Variants in PDZRN4 observed in about 807,000 individuals in gnomAD.
The protein encoded by PDZRN4 is PDZ domain containing ring finger 4.
In PDZRN4, 70 loss-of-function variants were observed where a neutral mutation model predicts 99.0. That is an observed-to-expected ratio of 0.71 (90% confidence interval 0.58 to 0.86). PDZRN4 has a LOEUF of 0.86. Among genes scored for constraint, PDZRN4 ranks in the 40% least tolerant of loss-of-function variants. PDZRN4 has a pLI of 0.00. For missense variants in PDZRN4, 1,474 were observed against 1,331.2 expected (o/e 1.11, Z -1.67); for synonymous variants, 551 against 501.6 (o/e 1.10, Z -1.32).
chr12:41,288,159 G>GTA (rs1951432643), intron 3 of PDZRN4, among the ~76,000 whole-genome samples: 1 of 152,110 alleles, frequency 6.6e-6, no homozygotes, highest in Admixed American at 6.6e-5. Flanking sequence ...GAGTAATACA[G>GTA]AGCTCTTCAG....
intron 4 of PDZRN4, among the ~76,000 whole-genome samples, chr12:41,507,451 C>G (rs904986183): frequency 6.6e-6 from 1 of 152,094 alleles, no homozygotes; most frequent in African/African-American, 2.4e-5. Context: ...GAGCAATAGT[C>G]TCCTTAGCCT....
At chr12:41,369,062 A>C (rs911907648) in intron 3 of PDZRN4, among the ~76,000 whole-genome samples, 27 of 152,126 alleles carry the variant, frequency 1.8e-4, no homozygotes, top group African/African-American at 6.0e-4. Flanking sequence ...TGTTATGAAA[A>C]ACTTTTTCAT....
chr12:41,191,533 C>T lies in PDZRN4; in HGVS notation c.724C>T (p.Arg242Ter). Residue 242 changes from arginine (R) to a stop codon, truncating the protein, a stop_gained, in exon 2 of 10, where the codon CGA becomes TGA. Coordinates refer to ENST00000402685, the MANE Select transcript of PDZRN4 (RefSeq NM_001164595.2). LOFTEE classifies it high-confidence loss of function. Reference protein sequence around the residue: ...DTLGFNIIGGRPNQNNQEGTS... With the variant: ...DTLGFNIIGG Reference sequence around the variant, plus strand: ...TTTGGGATTCAATATTATAGGAGGTCGACCAAATCAGGTAAAACACCTTGT... The same window carrying T: ...TTTGGGATTCAATATTATAGGAGGTTGACCAAATCAGGTAAAACACCTTGT... 1.3e-6 allele frequency: 2 copies of T among 1,517,492 alleles called. No homozygotes were observed. The highest frequency in any genetic ancestry group is 1.8e-6 in the Non-Finnish European group (2 of 1,106,970). 94.0% of individuals were successfully genotyped at this position (1,517,492 alleles called of 1,614,324 possible). A position where few individuals can be genotyped will look rare whatever the true frequency, so the allele number is the denominator to read the frequency against.
intron 3 of PDZRN4, among the ~76,000 whole-genome samples, chr12:41,275,599 G>A (rs1203002978): frequency 6.6e-6 from 1 of 152,072 alleles, no homozygotes; most frequent in East Asian, 1.9e-4. Context: ...GTCTGTGCTA[G>A]GCGGTTGGTG....
chr12:41,364,147 A>G (rs1951981248), intron 3 of PDZRN4, among the ~76,000 whole-genome samples: 1 of 152,090 alleles, frequency 6.6e-6, no homozygotes, highest in Non-Finnish European at 1.5e-5. Flanking sequence ...TCACTCAAGT[A>G]AGCTTTGTTA....
At chr12:41,236,961 A>G (rs1951072100) in intron 3 of PDZRN4, among the ~76,000 whole-genome samples, 1 of 152,106 alleles carries the variant, frequency 6.6e-6, no homozygotes, top group African/African-American at 2.4e-5. Flanking sequence ...CTTTTTCATA[A>G]TATTATACTC....
chr12:41,306,437 C>G (rs1390269082), intron 3 of PDZRN4, among the ~76,000 whole-genome samples: 1 of 152,168 alleles, frequency 6.6e-6, no homozygotes, highest in Non-Finnish European at 1.5e-5. Flanking sequence ...CCTGTACAGT[C>G]AAAGAAGTCT....
chr12:41,482,386 A>C (rs931624317), intron 3 of PDZRN4, among the ~76,000 whole-genome samples: 3 of 152,178 alleles, frequency 2.0e-5, no homozygotes, highest in African/African-American at 7.2e-5. Context: ...TTAGTTTAGG[A>C]TGAGAACTTG....
intron 3 of PDZRN4, among the ~76,000 whole-genome samples, chr12:41,464,165 T>C (rs1049036134): frequency 3.6e-4 from 55 of 152,326 alleles, no homozygotes; most frequent in Admixed American, 2.3e-3. Flanking sequence ...AGCAATCATA[T>C]GCCAGCCTAG....
intron 3 of PDZRN4, among the ~76,000 whole-genome samples, chr12:41,353,293 C>G (rs940395773): frequency 6.6e-6 from 1 of 152,052 alleles, no homozygotes; most frequent in East Asian, 1.9e-4. Flanking sequence ...TTCACTTTCT[C>G]TCTCTCTTTT....
chr12:41,539,915 C>A (rs925065635), intron 5 of PDZRN4, among the ~76,000 whole-genome samples: 1 of 152,010 alleles, frequency 6.6e-6, no homozygotes, highest in Non-Finnish European at 1.5e-5. Context: ...ATATTCAGGT[C>A]TACTAATTGG....
chr12:41,312,191 G>A (rs905537982), intron 3 of PDZRN4, among the ~76,000 whole-genome samples: 2 of 151,424 alleles, frequency 1.3e-5, no homozygotes, highest in African/African-American at 4.9e-5. Flanking sequence ...TTTCATTTAG[G>A]GTTTCTATTT....
chr12:41,361,474 G>A (rs557483145), intron 3 of PDZRN4, among the ~76,000 whole-genome samples: 2 of 152,100 alleles, frequency 1.3e-5, no homozygotes, highest in South Asian at 4.1e-4. Context: ...ATAAAATTTG[G>A]CTTTCTGGAA....
chr12:41,330,628 A>G lies in PDZRN4; in HGVS notation c.843+136440A>G, dbSNP rs1951736479. 9.2e-5 allele frequency among the ~76,000 whole-genome samples: 14 copies of G among 152,030 alleles called. 1 individual carries two copies. The South Asian group carries it at 2.7e-3, about 29-fold the overall frequency. On this transcript the variant is annotated intron_variant, in intron 3 of 9. Coordinates refer to ENST00000402685, the MANE Select transcript of PDZRN4 (RefSeq NM_001164595.2). ...AATATGCTGGAATAAGCTTCTATAA[A>G]TTTTAGTTACTATTCCTACTGTTAT... is the stretch of plus-strand genomic sequence containing the variant.
At chr12:41,361,041 A>C (rs1951960859) in intron 3 of PDZRN4, among the ~76,000 whole-genome samples, 1 of 152,046 alleles carries the variant, frequency 6.6e-6, no homozygotes, top group Non-Finnish European at 1.5e-5. Context: ...ATGCTTACAC[A>C]CACATATTTA....
At chr12:41,359,650 T>A (rs1336883677) in intron 3 of PDZRN4, among the ~76,000 whole-genome samples, 1 of 151,996 alleles carries the variant, frequency 6.6e-6, no homozygotes, top group Non-Finnish European at 1.5e-5. Flanking sequence ...ACATGCTCTC[T>A]TTTTGCCTGT....
At chr12:41,306,486 C>G (rs1018983983) in intron 3 of PDZRN4, among the ~76,000 whole-genome samples, 1 of 152,194 alleles carries the variant, frequency 6.6e-6, no homozygotes, top group African/African-American at 2.4e-5. Context: ...CCATCCCCTT[C>G]AGTTCTAGCT....
At chr12:41,369,622 CTT>C (rs1431935269) in intron 3 of PDZRN4, among the ~76,000 whole-genome samples, 1 of 151,824 alleles carries the variant, frequency 6.6e-6, no homozygotes, top group Non-Finnish European at 1.5e-5. Context: ...TGGATTCTAA[CTT>C]ATTTTAAATT....
At chr12:41,548,145 AGGG>A (rs1938989741) in intron 5 of PDZRN4, among the ~76,000 whole-genome samples, 3 of 152,180 alleles carry the variant, frequency 2.0e-5, no homozygotes, top group African/African-American at 4.8e-5. Flanking sequence ...TTGGAGTTGG[AGGG>A]TGCAAACCTG....
Sources: gnomAD v4.1 joint callset for allele counts (sites outside exome capture counted in the v4.1 genomes callset) on GRCh38, gnomAD v4.1.1 for gene constraint, MANE v1.5 for transcripts, NCBI Gene and HGNC (gene_info 2026-07-23, HGNC 2026-07-21) for gene names.